Variants in DNM3 observed in about 807,000 individuals in gnomAD.
DNM3 encodes dynamin 3.
In DNM3, 47 loss-of-function variants were observed where a neutral mutation model predicts 101.6. That is an observed-to-expected ratio of 0.46 (90% CI 0.37 to 0.59). The LOEUF is 0.59. Ranked by LOEUF, DNM3 falls within the 20% of genes least tolerant of loss-of-function variation. DNM3 has a pLI of 0.00. For missense variants in DNM3, 849 were observed against 1,085.7 expected (o/e 0.78, Z 3.06); for synonymous variants, 385 against 387.9 (o/e 0.99, Z 0.09).
chr1:172,303,852 C>A (rs1388456463), intron 15 of DNM3, among the ~76,000 whole-genome samples: 1 of 152,028 alleles, frequency 6.6e-6, no homozygotes, highest in African/African-American at 2.4e-5. Flanking sequence ...CACCACCAGA[C>A]CTGCCTTATA....
At chr1:172,012,877 T>C (rs989899232) in intron 4 of DNM3, among the ~76,000 whole-genome samples, 3 of 152,048 alleles carry the variant, frequency 2.0e-5, no homozygotes, top group Non-Finnish European at 2.9e-5. Context: ...AAGAAACTAC[T>C]ACTCAGGGAA....
chr1:172,210,474 A>G (rs904244351), intron 14 of DNM3, among the ~76,000 whole-genome samples: 3 of 151,960 alleles, frequency 2.0e-5, no homozygotes, highest in African/African-American at 7.2e-5. Context: ...AAGAAGCACA[A>G]TGTTTCTAAC....
intron 4 of DNM3, among the ~76,000 whole-genome samples, chr1:172,026,871 T>C (rs1373332431): frequency 6.6e-6 from 1 of 152,116 alleles, no homozygotes; most frequent in Non-Finnish European, 1.5e-5. Flanking sequence ...GCCAGGATGG[T>C]CTCGATCTCC....
chr1:172,150,172 C>T (rs2058074921), intron 14 of DNM3, among the ~76,000 whole-genome samples: 1 of 152,036 alleles, frequency 6.6e-6, no homozygotes. Flanking sequence ...GTTCAGTTTC[C>T]AGAGAATTTA....
intron 4 of DNM3, among the ~76,000 whole-genome samples, chr1:171,990,557 C>T (rs1021999498): frequency 2.0e-5 from 3 of 152,088 alleles, no homozygotes; most frequent in Non-Finnish European, 2.9e-5. Flanking sequence ...AATTCCTCTG[C>T]TTTCATGATG....
At chr1:172,131,613 TAAAG>T (rs1332660856) in intron 14 of DNM3, among the ~76,000 whole-genome samples, 1 of 152,272 alleles carries the variant, frequency 6.6e-6, no homozygotes, top group Non-Finnish European at 1.5e-5. Flanking sequence ...CAATTTTCGT[TAAAG>T]AAAGTGTTGA....
In DNM3 at chr1:172,260,424, A is replaced by C. The variant is rs144309557; in HGVS notation, c.1769+6742A>C. On this transcript the variant is annotated intron_variant, in intron 15 of 20. Transcript: ENST00000627582. ...ATTAAATAGGTTTTCTAATTCTTTC[A>C]TTTTTTTTCGTTGTTTCTTGGGACA... 5.1e-3 allele frequency among the ~76,000 whole-genome samples: 776 copies of C among 151,058 alleles called. 4 individuals are homozygous for C. Among genetic ancestry groups the C allele is most frequent in the African/African-American group, 0.018 (731 of 41,174 alleles).
intron 11 of DNM3, among the ~76,000 whole-genome samples, chr1:172,073,763 G>A (rs2052410001): frequency 6.6e-6 from 1 of 152,188 alleles, no homozygotes; most frequent in Non-Finnish European, 1.5e-5. Flanking sequence ...AGATCTGTAA[G>A]CACCGTATTT....
At chr1:172,367,133 C>A (rs781704406) in intron 17 of DNM3, among the ~76,000 whole-genome samples, 5 of 151,528 alleles carry the variant, frequency 3.3e-5, no homozygotes, top group Non-Finnish European at 5.9e-5. Context: ...TAAGGGAATC[C>A]CCATTAAGCT....
chr1:171,955,573 C>A (rs1042693735), intron 2 of DNM3, among the ~76,000 whole-genome samples: 2 of 152,214 alleles, frequency 1.3e-5, no homozygotes, highest in African/African-American at 4.8e-5. Flanking sequence ...TATCCACACA[C>A]ATGACCATAC....
chr1:172,348,359 A>G (rs568985154), intron 17 of DNM3, among the ~76,000 whole-genome samples: 1 of 152,324 alleles, frequency 6.6e-6, no homozygotes, highest in South Asian at 2.1e-4. Flanking sequence ...GACACATCAT[A>G]GTGAAACTAC....
intron 14 of DNM3, among the ~76,000 whole-genome samples, chr1:172,188,909 A>T (rs1188317666): frequency 6.6e-6 from 1 of 151,912 alleles, no homozygotes; most frequent in Admixed American, 6.6e-5. Flanking sequence ...TGTGATTTTG[A>T]TGTTATACCT....
At position 172,387,366 on chromosome 1, in the gene DNM3, A is replaced by G; in HGVS notation, c.2285+7A>G. ...GGATACAGCACTCTCGCAGGTAAGA[A>G]GATGGCCCCGGCCGGGTGCGGTGGC... On this transcript the variant is annotated splice_region_variant and intron_variant, in intron 19 of 20. Coordinates refer to ENST00000627582, the MANE Select transcript of DNM3 (RefSeq NM_015569.5). The G allele has an allele frequency of 6.2e-7, 1 of 1,610,306 alleles. No individual in the cohort carries two copies.
At chr1:172,251,034 G>A (rs958840031) in intron 14 of DNM3, among the ~76,000 whole-genome samples, 24 of 152,046 alleles carry the variant, frequency 1.6e-4, no homozygotes, top group African/African-American at 4.1e-4. Context: ...TTACATTCTC[G>A]TTTTAAGTTT....
At chr1:172,109,885 G>T (rs1034956848) in intron 13 of DNM3, among the ~76,000 whole-genome samples, 10 of 152,152 alleles carry the variant, frequency 6.6e-5, no homozygotes, top group Non-Finnish European at 1.3e-4. Context: ...AAGAATATGG[G>T]TAATTAAAAT....
At chr1:171,916,028 A>G (rs574735817) in intron 1 of DNM3, among the ~76,000 whole-genome samples, 5 of 152,316 alleles carry the variant, frequency 3.3e-5, no homozygotes, top group African/African-American at 1.2e-4. Flanking sequence ...CTGAGTGCCA[A>G]CTGTTCAGTC....
chr1:172,156,398 C>A (rs1446001834), intron 14 of DNM3, among the ~76,000 whole-genome samples: 1 of 152,090 alleles, frequency 6.6e-6, no homozygotes, highest in Non-Finnish European at 1.5e-5. Context: ...TGTGGACTTA[C>A]TAGGTGCCTG....
intron 1 of DNM3, among the ~76,000 whole-genome samples, chr1:171,876,467 C>T (rs1035349407): frequency 2.6e-5 from 4 of 152,000 alleles, no homozygotes; most frequent in African/African-American, 9.7e-5. Flanking sequence ...GTGAAGCCTC[C>T]TTGATAACCC....
rs572412905 is a variant in DNM3 at position 172,187,540 on chromosome 1, A to T, written c.1659+56252A>T. On this transcript the variant is annotated intron_variant, in intron 14 of 20. Transcript: ENST00000627582. Reference sequence around the variant, plus strand: ...ACTTTTAAAAATTATTCTTCTGGGTATAGACCTGATCTATTCAATGAGACT... The same window carrying T: ...ACTTTTAAAAATTATTCTTCTGGGTTTAGACCTGATCTATTCAATGAGACT... Among the ~76,000 whole-genome samples the T allele has an allele frequency of 8.2e-4, 125 of 152,140 alleles. 2 individuals carry two copies. The highest frequency in any genetic ancestry group is 1.8e-4 in the Non-Finnish European group (12 of 67,994).
Sources: gnomAD v4.1 joint callset for allele counts (sites outside exome capture counted in the v4.1 genomes callset) on GRCh38, gnomAD v4.1.1 for gene constraint, MANE v1.5 for transcripts, NCBI Gene and HGNC (gene_info 2026-07-23, HGNC 2026-07-21) for gene names.